Variants in ZNF131 observed in about 807,000 individuals in gnomAD.
The protein encoded by ZNF131 is zinc finger and BTB domain containing 35.
In ZNF131, 7 loss-of-function variants were observed where a neutral mutation model predicts 60.0. That is an observed-to-expected ratio of 0.12 (90% confidence interval 0.07 to 0.22). The LOEUF (loss-of-function observed/expected upper bound fraction) is 0.22, where lower values mean the gene tolerates loss of function less well. Among genes scored for constraint, ZNF131 ranks in the 10% least tolerant of loss-of-function variants. The probability of loss-of-function intolerance (pLI) is 1.00; values close to 1 mark genes in which losing one functional copy is unlikely to be tolerated. For missense variants in ZNF131, 493 were observed against 740.9 expected (o/e 0.67, Z 3.88); for synonymous variants, 257 against 253.2 (o/e 1.01, Z -0.14).
At chr5:43,148,654 A>G (rs531611509) in intron 4 of ZNF131, among the ~76,000 whole-genome samples, 5 of 152,364 alleles carry the variant, frequency 3.3e-5, no homozygotes, top group African/African-American at 1.2e-4. Flanking sequence ...AAAACATGCT[A>G]CTACTGTTAG....
At chr5:43,151,035 T>C (rs1748240141) in intron 4 of ZNF131, among the ~76,000 whole-genome samples, 2 of 152,206 alleles carry the variant, frequency 1.3e-5, no homozygotes, top group Non-Finnish European at 2.9e-5. Context: ...GGCATTAGTC[T>C]AAGTATAGCA....
At position 43,162,601 on chromosome 5, in the gene ZNF131, A is replaced by AAAAG. The variant is rs1749832079; in HGVS notation, c.1054+673_1054+674insGAAA. On this transcript the variant is annotated intron_variant, in intron 5 of 6. Coordinates refer to ENST00000682664, the MANE Select transcript of ZNF131 (RefSeq NM_001330707.2). ...AGTGAGACTCCATCTTAAAAAAAAA[A>AAAAG]AAAAGAAAAGAAAAAAAAGCGGCCA... is the stretch of plus-strand genomic sequence containing the variant. Among the ~76,000 whole-genome samples, 5 of 134,468 alleles carry AAAAG rather than the reference A, an allele frequency of 3.7e-5. No homozygotes were observed. In the South Asian group the frequency reaches 1.2e-3, roughly 32 times the overall value. The allele number at this position is 134,468 out of a possible 152,430, so 88.2% of individuals were successfully genotyped here. A position where few individuals can be genotyped will look rare whatever the true frequency, so the allele number is the denominator to read the frequency against.
chr5:43,173,470 C>T (rs750160904), intron 6 of ZNF131, 22 bp downstream of exon 6: 59 of 1,601,016 alleles, frequency 3.7e-5, no homozygotes, highest in Middle Eastern at 1.7e-4. Context: ...TACATACATT[C>T]AGTTCTTAAC....
Position 43,123,214 on chromosome 5 carries a change from C to A in ZNF131, c.130C>A (p.His44Asn). The A allele has an allele frequency of 6.3e-7, 1 of 1,598,390 alleles. No homozygotes were observed. Among genetic ancestry groups the A allele is most frequent in the South Asian group, 1.1e-5 (1 of 87,126 alleles). Residue 44 changes from histidine (H) to asparagine (N), a missense_variant, in exon 3 of 7, where the codon CAT becomes AAT. This residue lies in a region of ZNF131 where 66 missense variants were observed against 148.0 expected (regional missense o/e 0.45). Transcript: ENST00000682664. ...TDITLIVDGH[H>N]FKAHKAVLAA... ...TTTTTTCTTATTTTACCTAGGACACCATTTTAAGGCTCACAAGGCTGTTTT... is the reference window on the plus strand; with the variant it reads ...TTTTTTCTTATTTTACCTAGGACACAATTTTAAGGCTCACAAGGCTGTTTT...
chr5:43,132,869 CACCAGCA>C (rs1745544831), intron 3 of ZNF131, among the ~76,000 whole-genome samples: 1 of 152,064 alleles, frequency 6.6e-6, no homozygotes, highest in African/African-American at 2.4e-5. Flanking sequence ...AATGATATTC[CACCAGCA>C]TTCTTACTGC....
At chr5:43,163,418 G>C (rs1401646030) in intron 5 of ZNF131, among the ~76,000 whole-genome samples, 1 of 152,208 alleles carries the variant, frequency 6.6e-6, no homozygotes, top group Non-Finnish European at 1.5e-5. Flanking sequence ...AGGAGAATAA[G>C]GTCTTTATAC....
chr5:43,160,175 CA>C (rs1318130941), intron 4 of ZNF131, among the ~76,000 whole-genome samples: 1,589 of 114,312 alleles, frequency 0.014, 28 homozygotes, highest in African/African-American at 0.047. Context: ...GACTCCATCT[CA>C]AAAAAACAAA....
chr5:43,173,477 TAAC>T, intron 6 of ZNF131, 29 bp downstream of exon 6: 1 of 1,598,236 alleles, frequency 6.3e-7, no homozygotes, highest in Non-Finnish European at 8.6e-7. Context: ...ATTCAGTTCT[TAAC>T]AAAGGAGTCT....
At chr5:43,143,898 CTTTTTTTTTTTTTTTTTTTTTT>C (rs79246574) in intron 4 of ZNF131, among the ~76,000 whole-genome samples, 26 of 34,994 alleles carry the variant, frequency 7.4e-4, no homozygotes, top group South Asian at 3.7e-3. Flanking sequence ...ATTGTCAGAG[CTTTTTTTTTTTTTTTTTTTTTT>C]TTTTTTTTTT....
chr5:43,130,824 C>T (rs567947930), intron 3 of ZNF131, among the ~76,000 whole-genome samples: 2 of 151,694 alleles, frequency 1.3e-5, no homozygotes, highest in African/African-American at 2.4e-5. Context: ...CCTCGGCCTC[C>T]CAGAGTGCTG....
At chr5:43,127,916 G>GT (rs1350677288) in intron 3 of ZNF131, among the ~76,000 whole-genome samples, 1 of 152,284 alleles carries the variant, frequency 6.6e-6, no homozygotes, top group African/African-American at 2.4e-5. Flanking sequence ...TAGTTTCTCT[G>GT]TAACAGCAGC....
In ZNF131 at chr5:43,160,186, A is replaced by AC. The variant is rs538901753; in HGVS notation, c.372-1063_372-1062insC. 8.7e-3 allele frequency among the ~76,000 whole-genome samples: 1,130 copies of AC among 129,280 alleles called. 18 individuals carry two copies. Among genetic ancestry groups the AC allele is most frequent in the African/African-American group, 0.028 (1,081 of 38,860 alleles). 84.8% of individuals were successfully genotyped at this position (129,280 alleles called of 152,430 possible). On this transcript the variant is annotated intron_variant, in intron 4 of 6. Coordinates refer to ENST00000682664, the MANE Select transcript of ZNF131 (RefSeq NM_001330707.2). ...GCGAGACTCCATCTCAAAAAAACAA[A>AC]ACAAAAAAAAAAACAAAAAAAGAAG...
Position 43,160,045 on chromosome 5 carries a change from G to A in ZNF131, c.372-1204G>A, listed in dbSNP as rs886242233. 1.2e-4 allele frequency among the ~76,000 whole-genome samples: 18 copies of A among 151,710 alleles called. No individual in the cohort carries two copies. The East Asian group carries it at 1.6e-3, about 13-fold the overall frequency. On this transcript the variant is annotated intron_variant, in intron 4 of 6. Coordinates refer to ENST00000682664, the MANE Select transcript of ZNF131 (RefSeq NM_001330707.2). ...CAAAATATTAGCTGGTCGTGGTGGC[G>A]GGCGCCTGTAGTCCCAGCTGCTTGG...
At chr5:43,142,653 T>TC (rs1747006384) in intron 4 of ZNF131, among the ~76,000 whole-genome samples, 1 of 122,316 alleles carries the variant, frequency 8.2e-6, no homozygotes, top group African/African-American at 2.9e-5. Flanking sequence ...ACCCCCTACC[T>TC]CCCCACCCCC....
intron 3 of ZNF131, among the ~76,000 whole-genome samples, chr5:43,126,420 T>C (rs1426166736): frequency 6.6e-6 from 1 of 152,170 alleles, no homozygotes; most frequent in Non-Finnish European, 1.5e-5. Flanking sequence ...CATTGTGCAG[T>C]TCTCAGCGCC....
intron 3 of ZNF131, among the ~76,000 whole-genome samples, chr5:43,126,102 A>T (rs1383392788): frequency 6.6e-6 from 1 of 152,222 alleles, no homozygotes; most frequent in African/African-American, 2.4e-5. Context: ...CTGGGCATAT[A>T]GTTAGTTAGA....
intron 3 of ZNF131, among the ~76,000 whole-genome samples, chr5:43,135,100 G>T (rs1187018169): frequency 6.6e-6 from 1 of 151,438 alleles, no homozygotes; most frequent in Non-Finnish European, 1.5e-5. Flanking sequence ...CCAGGTTCAA[G>T]CAACTCTCCT....
intron 5 of ZNF131, among the ~76,000 whole-genome samples, chr5:43,169,983 G>A (rs1750787264): frequency 6.6e-6 from 1 of 151,866 alleles, no homozygotes; most frequent in Non-Finnish European, 1.5e-5. Context: ...GTAGAGACGG[G>A]GTTTCACTAT....
intron 4 of ZNF131, among the ~76,000 whole-genome samples, chr5:43,159,067 C>T (rs1162402689): frequency 2.6e-5 from 4 of 152,258 alleles, no homozygotes; most frequent in African/African-American, 9.6e-5. Flanking sequence ...CCCCTCAAGT[C>T]CCACAAGAGT....
Sources: gnomAD v4.1 joint callset for allele counts (sites outside exome capture counted in the v4.1 genomes callset) on GRCh38, gnomAD v4.1.1 for gene constraint, gnomAD v4.1.1 regional missense constraint, MANE v1.5 for transcripts, NCBI Gene and HGNC (gene_info 2026-07-23, HGNC 2026-07-21) for gene names.